DHX32: variants seen among roughly 807,000 people sequenced by gnomAD.
DHX32 encodes DEAH-box helicase 32 (putative).
DHX32 carries 51 observed loss-of-function variants against 70.0 expected under a neutral mutation model. That is an observed-to-expected ratio of 0.73 (90% CI 0.58 to 0.92). The LOEUF (loss-of-function observed/expected upper bound fraction) is 0.92. Among genes scored for constraint, DHX32 ranks in the 40% least tolerant of loss-of-function variants. The probability of loss-of-function intolerance (pLI) is 0.00; values close to 1 mark genes in which losing one functional copy is unlikely to be tolerated. For missense variants in DHX32, 762 were observed against 891.8 expected (o/e 0.85, Z 1.85); for synonymous variants, 310 against 315.3 (o/e 0.98, Z 0.18).
rs190093625 is a variant in DHX32, at chr10:125,865,631, G to C, written c.476+1359C>G. On this transcript the variant is annotated intron_variant, in intron 2 of 10. Transcript: ENST00000284690. ...TGCAGCCTCGATTTCCTGGACTCAAGTGATCTTTCCGCTTCAGCCTCCTGA... is the reference window on the plus strand; with the variant it reads ...TGCAGCCTCGATTTCCTGGACTCAACTGATCTTTCCGCTTCAGCCTCCTGA... Among the ~76,000 whole-genome samples the C allele has an allele frequency of 3.9e-5, 6 of 152,284 alleles. No homozygotes were observed. The East Asian group carries it at 1.2e-3, about 29-fold the overall frequency.
At chr10:125,865,368 G>A (rs1944214516) in intron 2 of DHX32, among the ~76,000 whole-genome samples, 1 of 152,168 alleles carries the variant, frequency 6.6e-6, no homozygotes, top group Non-Finnish European at 1.5e-5. Context: ...GGACATAATT[G>A]TTATAATAAC....
Position 125,859,825 on chromosome 10 carries a change from T to G in DHX32, c.627A>C (p.Pro209=), listed in dbSNP as rs1944174238. 6.2e-7 allele frequency: 1 copy of G among 1,614,028 alleles called. No homozygotes were observed. The highest frequency in any genetic ancestry group is 1.1e-5 in the South Asian group (1 of 91,078). The part of the protein sequence containing the change: ...GLLKDVLLAR[P]ELKLIINSSP... ...AGGAGTTAATTATGAGCTTCAGTTC[T>G]GGTCTTGCTAGTAAAACATCTTTAA... The change falls in exon 3 of 11, where the codon CCA becomes CCC. Residue 209 remains proline (P), a synonymous_variant. Transcript: ENST00000284690.
Position 125,866,172 on chromosome 10 carries a change from C to A in DHX32, c.476+818G>T, listed in dbSNP as rs1239185448. ...AACTCTGGCTCCAGGCAGCTGTGAC[C>A]ATTTCCTTGCGGTACTGTATGGATA... On this transcript the variant is annotated intron_variant, in intron 2 of 10. Coordinates refer to ENST00000284690, the MANE Select transcript of DHX32 (RefSeq NM_018180.3). This position sits in a 1 kb window ranked among gnomAD's most constrained non-coding sequence, Gnocchi z 4.8. Among the ~76,000 whole-genome samples the A allele has an allele frequency of 6.6e-6, 1 of 152,180 alleles. No homozygotes were observed. The highest frequency in any genetic ancestry group is 1.5e-5 in the Non-Finnish European group (1 of 68,034).
At chr10:125,861,405 G>C (rs955030730) in intron 2 of DHX32, among the ~76,000 whole-genome samples, 1 of 152,130 alleles carries the variant, frequency 6.6e-6, no homozygotes, top group Non-Finnish European at 1.5e-5. Context: ...GCTGAGGCAG[G>C]AGAATGGCGT....
intron 4 of DHX32, chr10:125,853,073 T>C: frequency 7.5e-7 from 1 of 1,326,118 alleles, no homozygotes; most frequent in South Asian, 1.3e-5. Context: ...GTTCCAATCA[T>C]AACAGCTAAT....
intron 3 of DHX32, among the ~76,000 whole-genome samples, chr10:125,855,549 T>C (rs1944140092): frequency 6.7e-6 from 1 of 150,364 alleles, no homozygotes; most frequent in Non-Finnish European, 1.5e-5. Context: ...CTCAGGTTCA[T>C]GCCATTCTCC....
At chr10:125,843,485 G>T (rs1055918580) in intron 6 of DHX32, among the ~76,000 whole-genome samples, 1 of 152,182 alleles carries the variant, frequency 6.6e-6, no homozygotes, top group East Asian at 1.9e-4. Flanking sequence ...GGTGGCAGGC[G>T]CCTGTGGTCC....
chr10:125,842,675 A>C (rs1854914769), intron 6 of DHX32: 1 of 248,500 alleles, frequency 4.0e-6, no homozygotes, highest in African/African-American at 2.3e-5. Context: ...GTAGAGAGGC[A>C]TGAAAAGCAG....
chr10:125,888,577 T>C (rs1180887602), intron 1 of DHX32, among the ~76,000 whole-genome samples: 4 of 152,278 alleles, frequency 2.6e-5, no homozygotes, highest in Non-Finnish European at 5.9e-5. Flanking sequence ...ATTAGTAATT[T>C]AAAAAACACT....
At position 125,880,795 on chromosome 10, in the gene DHX32, G is replaced by A. The variant is rs528931826; in HGVS notation, c.30C>T (p.Asn10=). 58 of 1,614,144 alleles carry A rather than the reference G, an allele frequency of 3.6e-5. No homozygotes were observed. The highest frequency in any genetic ancestry group is 4.7e-5 in the Non-Finnish European group (55 of 1,180,006). The part of the protein sequence containing the change: MEEEGLECP[N]SSSEKRYFPE... Reference sequence around the variant, plus strand: ...GAAAATAGCGTTTTTCAGAGGAAGAGTTTGGACACTCCAGCCCTTCTTCTT... The same window carrying A: ...GAAAATAGCGTTTTTCAGAGGAAGAATTTGGACACTCCAGCCCTTCTTCTT... Residue 10 remains asparagine (N), a synonymous_variant, in exon 1 of 11, where the codon AAC becomes AAT. Transcript: ENST00000284690.
rs143450622 is a variant in DHX32 at position 125,874,633 on chromosome 10, A to G, written c.282+5910T>C. On this transcript the variant is annotated intron_variant, in intron 1 of 10. Coordinates refer to ENST00000284690, the MANE Select transcript of DHX32 (RefSeq NM_018180.3). ...TTACTTGTTCAATCTGAGAACAGGT[A>G]AAGATAGTGTGAATAACACGAAGCC... Among the ~76,000 whole-genome samples the G allele has an allele frequency of 9.4e-3, 1,426 of 152,302 alleles. 19 individuals are homozygous for G. The highest frequency in any genetic ancestry group is 0.034 in the Middle Eastern group (10 of 294).
intron 8 of DHX32, 52 bp from the exon 9 acceptor site, chr10:125,839,240 G>C (rs1854798926): frequency 6.3e-7 from 1 of 1,579,744 alleles, no homozygotes; most frequent in African/African-American, 1.3e-5. Context: ...CAGAAGCTCT[G>C]AAGAGCCCAG....
chr10:125,841,277 T>C, intron 7 of DHX32: 1 of 1,614,148 alleles, frequency 6.2e-7, no homozygotes, highest in Non-Finnish European at 8.5e-7. Context: ...CCTGAGGTGC[T>C]TGGAGGTCCA....
At chr10:125,878,404 C>G (rs1383190646) in intron 1 of DHX32, among the ~76,000 whole-genome samples, 1 of 152,168 alleles carries the variant, frequency 6.6e-6, no homozygotes, top group Non-Finnish European at 1.5e-5. Context: ...GGTGCTTTTC[C>G]TGGCCATCTC....
intron 1 of DHX32, among the ~76,000 whole-genome samples, chr10:125,886,861 G>A: frequency 6.6e-6 from 1 of 152,282 alleles, no homozygotes; most frequent in Admixed American, 6.5e-5. Flanking sequence ...GGGACCGCTT[G>A]TAAACTGCAC....
At chr10:125,895,127 G>A (rs1207204882) in intron 1 of DHX32, among the ~76,000 whole-genome samples, 6 of 152,240 alleles carry the variant, frequency 3.9e-5, no homozygotes, top group African/African-American at 1.2e-4. Context: ...AGTCTGAGAG[G>A]GGGAAAACCT....
chr10:125,854,527 T>C (rs1417539186), intron 3 of DHX32: 3 of 190,436 alleles, frequency 1.6e-5, no homozygotes, highest in Non-Finnish European at 3.2e-5. Flanking sequence ...CTAGCTTATG[T>C]CTCTTTCCTT....
chr10:125,840,665 A>G (rs1854852275), intron 8 of DHX32, among the ~76,000 whole-genome samples, 182 bp downstream of exon 8: 1 of 152,266 alleles, frequency 6.6e-6, no homozygotes, highest in African/African-American at 2.4e-5. Context: ...CCGTGGGAGC[A>G]GGGGGACTGA....
rs935044344 is a variant in DHX32 at position 125,836,520 on chromosome 10, A to C, written c.*167T>G. On this transcript the variant is annotated 3_prime_UTR_variant, in exon 11 of 11. Transcript: ENST00000284690. ...CATGGAGTAGTAATTTAAAGAACTC[A>C]ATAAAAACTTCTATTTTTTATTTTA... The C allele has an allele frequency of 2.2e-6, 3 of 1,343,554 alleles. No individual in the cohort carries two copies. In the African/African-American group the frequency reaches 4.4e-5, roughly 20 times the overall value. 83.2% of individuals were successfully genotyped at this position (1,343,554 alleles called of 1,614,324 possible). A position where few individuals can be genotyped will look rare whatever the true frequency, so the allele number is the denominator to read the frequency against.
Sources: allele counts gnomAD v4.1 joint callset (sites outside exome capture counted in the v4.1 genomes callset), GRCh38; gene constraint gnomAD v4.1.1; non-coding constraint Gnocchi (gnomAD v3.1); transcripts MANE v1.5; gene names NCBI Gene and HGNC (gene_info 2026-07-23, HGNC 2026-07-21).